Variants in RBM26 observed in about 807,000 individuals in gnomAD.
RBM26 encodes RNA-binding protein 26.
Under a neutral mutation model 123.6 loss-of-function variants are expected in RBM26, and 30 were observed. The observed-to-expected ratio is 0.24, with a 90% CI of 0.18 to 0.33. The LOEUF (loss-of-function observed/expected upper bound fraction) is 0.33, where lower values mean the gene tolerates loss of function less well. RBM26 is among the 10% of genes least tolerant of loss of function. The pLI is 1.00. For missense variants in RBM26, 947 were observed against 1,203.6 expected, an observed-to-expected ratio of 0.79 and a Z score of 3.15; for synonymous variants, 400 against 404.4, an observed-to-expected ratio of 0.99 and a Z score of 0.13.
intron 14 of RBM26, among the ~76,000 whole-genome samples, chr13:79,349,722 C>T (rs2072929736): frequency 6.9e-6 from 1 of 144,790 alleles, no homozygotes; most frequent in Non-Finnish European, 1.5e-5. Flanking sequence ...TTTTTTGAGA[C>T]AGAGTCTAGC....
In RBM26 at chr13:79,377,372, T is replaced by C. The variant is rs1203758328; in HGVS notation, c.327+7A>G. On this transcript the variant is annotated splice_region_variant and intron_variant, in intron 3 of 21. Transcript: ENST00000438737. ...ATAACCTGTAAGGTATTAACACAAA[T>C]CGTTACCTCTTCCTTCTTTATATCT... 6.2e-7 allele frequency: 1 copy of C among 1,612,338 alleles called. No individual in the cohort carries two copies. Among genetic ancestry groups the C allele is most frequent in the Non-Finnish European group, 8.5e-7 (1 of 1,178,586 alleles).
chr13:79,392,682 G>A (rs1029684953), intron 1 of RBM26, among the ~76,000 whole-genome samples: 6 of 149,866 alleles, frequency 4.0e-5, no homozygotes, highest in Admixed American at 4.0e-4. Context: ...ATTCCACCTC[G>A]GGCTGGATGT....
At chr13:79,335,927 G>C (rs1209858063) in intron 19 of RBM26, among the ~76,000 whole-genome samples, 1 of 152,048 alleles carries the variant, frequency 6.6e-6, no homozygotes, top group Non-Finnish European at 1.5e-5. Flanking sequence ...TTATTTCCAA[G>C]CTCCTTTCTA....
chr13:79,360,236 T>C (rs1445101343), intron 9 of RBM26, among the ~76,000 whole-genome samples: 2 of 152,098 alleles, frequency 1.3e-5, no homozygotes, highest in Non-Finnish European at 2.9e-5. Context: ...GCATAGTATA[T>C]GTAGGGTTTG....
intron 1 of RBM26, among the ~76,000 whole-genome samples, chr13:79,390,466 A>T (rs1233115071): frequency 6.6e-6 from 1 of 152,184 alleles, no homozygotes; most frequent in African/African-American, 2.4e-5. Context: ...AAAAGAAATG[A>T]GTAAATTTTC....
At chr13:79,317,339 T>G (rs1165873829), downstream of RBM26, among the ~76,000 whole-genome samples, 1 of 151,660 alleles carries the variant, frequency 6.6e-6, no homozygotes, top group Non-Finnish European at 1.5e-5. Flanking sequence ...TATATTAAAT[T>G]GTTTTGTCTC....
At chr13:79,345,520 A>G (rs2072177828) in intron 14 of RBM26, among the ~76,000 whole-genome samples, 1 of 152,158 alleles carries the variant, frequency 6.6e-6, no homozygotes, top group South Asian at 2.1e-4. Flanking sequence ...GGGCATTAAC[A>G]TAAAGACTTG....
chr13:79,347,387 T>C (rs1468133619), intron 14 of RBM26, among the ~76,000 whole-genome samples: 2 of 152,190 alleles, frequency 1.3e-5, no homozygotes, highest in Non-Finnish European at 2.9e-5. Context: ...ATGTGACTTA[T>C]AAACAATGAA....
intron 1 of RBM26, among the ~76,000 whole-genome samples, chr13:79,382,215 A>G (rs1208581491): frequency 6.6e-6 from 1 of 152,140 alleles, no homozygotes; most frequent in Non-Finnish European, 1.5e-5. Flanking sequence ...CTAATTAAAA[A>G]AACTATATTC....
intron 1 of RBM26, among the ~76,000 whole-genome samples, chr13:79,379,538 T>C (rs1489327992): frequency 7.9e-6 from 1 of 126,120 alleles, no homozygotes; most frequent in Non-Finnish European, 1.7e-5. Flanking sequence ...GTAAGAACCC[T>C]ATCTCAAAAA....
intron 18 of RBM26, 40 bp downstream of exon 18, chr13:79,341,083 G>T: frequency 8.6e-7 from 1 of 1,165,098 alleles, no homozygotes; most frequent in Non-Finnish European, 1.3e-6. Flanking sequence ...AACTACATTT[G>T]CTTCTTTTAA....
chr13:79,314,176 T>G (rs1156575214), downstream of RBM26: 1 of 151,768 alleles, frequency 6.6e-6, no homozygotes, highest in Non-Finnish European at 1.5e-5. Context: ...GGACATACAC[T>G]TCTTAAAATG....
At chr13:79,372,634 TAGG>T (rs2076016838) in intron 3 of RBM26, among the ~76,000 whole-genome samples, 1 of 148,624 alleles carries the variant, frequency 6.7e-6, no homozygotes, top group Non-Finnish European at 1.5e-5. Context: ...TCAAGGAATA[TAGG>T]AGAATACATT....
chr13:79,372,570 G>C (rs1354111203), intron 3 of RBM26, among the ~76,000 whole-genome samples: 4 of 150,110 alleles, frequency 2.7e-5, no homozygotes, highest in Non-Finnish European at 5.9e-5. Context: ...TCTTTCAAAA[G>C]TCTAACATAT....
chr13:79,373,409 AC>A (rs2076246797), intron 3 of RBM26, among the ~76,000 whole-genome samples: 3 of 28,632 alleles, frequency 1.0e-4, no homozygotes, highest in East Asian at 6.6e-4. Context: ...TATATTATAT[AC>A]TATATATAAA....
At chr13:79,321,190 T>C (rs540233754) in intron 21 of RBM26, among the ~76,000 whole-genome samples, 9 of 151,454 alleles carry the variant, frequency 5.9e-5, no homozygotes, top group Non-Finnish European at 1.2e-4. Flanking sequence ...CCCATTCCCT[T>C]CATAAACACT....
rs1450850636 is a variant in RBM26, at chr13:79,367,919, C to T, written c.895+811G>A. Among the ~76,000 whole-genome samples the T allele has an allele frequency of 1.6e-4, 25 of 151,880 alleles. 1 individual carries two copies. Among genetic ancestry groups the T allele is most frequent in the Admixed American group, 1.6e-3 (25 of 15,254 alleles). ...GTCATATTTTTGTCTTTAGAAATGT[C>T]CTTCATTTAAATCTCTTAAAACTAA... is the stretch of plus-strand genomic sequence containing the variant. On this transcript the variant is annotated intron_variant, in intron 6 of 21. Coordinates refer to ENST00000438737, the MANE Select transcript of RBM26 (RefSeq NM_001366735.2).
chr13:79,330,844 G>A (rs1313227239), intron 20 of RBM26, among the ~76,000 whole-genome samples: 1 of 152,020 alleles, frequency 6.6e-6, no homozygotes, highest in Non-Finnish European at 1.5e-5. Flanking sequence ...TTTCCCACAA[G>A]CTTCAGACCT....
At chr13:79,330,859 T>G (rs1383768880) in intron 20 of RBM26, among the ~76,000 whole-genome samples, 1 of 152,114 alleles carries the variant, frequency 6.6e-6, no homozygotes, top group African/African-American at 2.4e-5. Flanking sequence ...AGACCTCAAG[T>G]TACTAATTCT....
Sources: allele counts gnomAD v4.1 joint callset (sites outside exome capture counted in the v4.1 genomes callset), GRCh38; gene constraint gnomAD v4.1.1; transcripts MANE v1.5; gene names NCBI Gene and HGNC (gene_info 2026-07-23, HGNC 2026-07-21).